Variants in MTA3 observed in about 807,000 individuals in gnomAD.
MTA3 encodes the protein metastasis-associated protein MTA3.
In MTA3, 34 loss-of-function variants were observed where a neutral mutation model predicts 83.5. The ratio of observed to expected loss-of-function variants is 0.41; its 90% CI spans 0.31 to 0.54. The LOEUF (loss-of-function observed/expected upper bound fraction) is 0.54, where lower values mean the gene tolerates loss of function less well. Among genes scored for constraint, MTA3 ranks in the 20% least tolerant of loss-of-function variants. The pLI is 0.33. For missense variants in MTA3, 761 were observed against 726.4 expected (o/e 1.05, Z -0.55); for synonymous variants, 303 against 252.7 (o/e 1.20, Z -1.89).
In MTA3 at chr2:42,755,963, G is replaced by C. The variant is rs1670211654; in HGVS notation, c.*2564G>C. 2.0e-6 allele frequency: 2 copies of C among 985,402 alleles called. No homozygotes were observed. Among genetic ancestry groups the C allele is most frequent in the African/African-American group, 1.7e-5 (1 of 57,246 alleles). 61.0% of individuals were successfully genotyped at this position (985,402 alleles called of 1,614,324 possible). On this transcript the variant is annotated 3_prime_UTR_variant, in exon 17 of 17. Transcript: ENST00000405094. ...TGGAGGGTGTCGCCGGAAGGTTTCA[G>C]CCTGCCCTTCACAATTCCCCTTGTG... is the stretch of plus-strand genomic sequence containing the variant.
intron 8 of MTA3, among the ~76,000 whole-genome samples, chr2:42,672,237 C>CT (rs1690862114): frequency 6.6e-6 from 1 of 151,894 alleles, no homozygotes. Context: ...TGGTGTACAC[C>CT]TGTAATCACA....
At chr2:42,586,206 G>A (rs1301707016) in intron 3 of MTA3, among the ~76,000 whole-genome samples, 1 of 151,420 alleles carries the variant, frequency 6.6e-6, no homozygotes, top group African/African-American at 2.4e-5. Context: ...CCCGGAAGGT[G>A]GAGGTTGTAG....
intron 2 of MTA3, among the ~76,000 whole-genome samples, chr2:42,552,242 A>G (rs6752377): frequency 1.3e-5 from 2 of 151,964 alleles, no homozygotes; most frequent in Middle Eastern, 3.2e-3. Flanking sequence ...AGTGTGGCTG[A>G]GCAGCAGTGA....
chr2:42,677,753 C>T (rs973011597), intron 8 of MTA3, among the ~76,000 whole-genome samples: 2 of 152,144 alleles, frequency 1.3e-5, no homozygotes, highest in Non-Finnish European at 2.9e-5. Flanking sequence ...GATTATGAGG[C>T]CTCCCCAGCC....
At chr2:42,689,954 CT>C (rs58306447) in intron 9 of MTA3, among the ~76,000 whole-genome samples, 79 of 144,798 alleles carry the variant, frequency 5.5e-4, no homozygotes, top group South Asian at 1.1e-3. Context: ...GACTTAATTG[CT>C]TTTTTTTTTT....
intron 2 of MTA3, among the ~76,000 whole-genome samples, chr2:42,499,103 G>A (rs1262100409): frequency 6.6e-6 from 1 of 152,040 alleles, no homozygotes; most frequent in African/African-American, 2.4e-5. Context: ...AGAGATCTAC[G>A]ATGTGGCATA....
At chr2:42,553,030 A>T (rs1052101705) in intron 2 of MTA3, among the ~76,000 whole-genome samples, 29 of 152,028 alleles carry the variant, frequency 1.9e-4, no homozygotes, top group Non-Finnish European at 3.2e-4. Flanking sequence ...TAATCCCAGC[A>T]CTTTGGAAGG....
At chr2:42,732,087 G>C (rs1668269742) in intron 16 of MTA3, among the ~76,000 whole-genome samples, 2 of 152,162 alleles carry the variant, frequency 1.3e-5, no homozygotes, top group South Asian at 4.1e-4. Flanking sequence ...TGCCATTCTG[G>C]GGTGTGGAGG....
At chr2:42,546,273 A>G (rs1022031519) in intron 2 of MTA3, among the ~76,000 whole-genome samples, 2 of 152,136 alleles carry the variant, frequency 1.3e-5, no homozygotes, top group African/African-American at 4.8e-5. Context: ...CCACTCAAAC[A>G]AAGGCCCCAG....
At chr2:42,722,788 C>T in intron 15 of MTA3, 101 bp from the exon 16 acceptor site, 1 of 1,364,548 alleles carries the variant, frequency 7.3e-7, no homozygotes, top group Non-Finnish European at 1.0e-6. Context: ...AACTGACTCT[C>T]AGCTCATTAA....
At chr2:42,607,198 A>G (rs1371526053) in intron 3 of MTA3, among the ~76,000 whole-genome samples, 1 of 152,082 alleles carries the variant, frequency 6.6e-6, no homozygotes, top group East Asian at 1.9e-4. Flanking sequence ...ATACAAAGAT[A>G]AGTGACCTGT....
At chr2:42,743,284 C>T (rs1669171737) in intron 16 of MTA3, among the ~76,000 whole-genome samples, 1 of 152,210 alleles carries the variant, frequency 6.6e-6, no homozygotes, top group African/African-American at 2.4e-5. Context: ...AAGGCGATTG[C>T]CTGCTATCTC....
At chr2:42,703,969 C>A in intron 11 of MTA3, 1 of 425,758 alleles carries the variant, frequency 2.3e-6, no homozygotes, top group Admixed American at 3.8e-5. Flanking sequence ...GTATTTACTT[C>A]GTGAATGTCA....
intron 2 of MTA3, among the ~76,000 whole-genome samples, chr2:42,496,608 GAA>G (rs35316146): frequency 0.16 from 20,077 of 121,814 alleles, 1,591 homozygotes; most frequent in Non-Finnish European, 0.21. Flanking sequence ...CAGAACCTAG[GAA>G]AAAAAAAAAA....
chr2:42,653,808 C>T (rs886884974), intron 6 of MTA3, among the ~76,000 whole-genome samples: 1 of 152,144 alleles, frequency 6.6e-6, no homozygotes, highest in Non-Finnish European at 1.5e-5. Flanking sequence ...TGTAGTCTTA[C>T]GTTCAGGAGT....
At chr2:42,513,793 G>T (rs968703009) in intron 2 of MTA3, among the ~76,000 whole-genome samples, 1 of 152,216 alleles carries the variant, frequency 6.6e-6, no homozygotes, top group Non-Finnish European at 1.5e-5. Context: ...CGCCTCCCAG[G>T]CTGGCCTGAG....
chr2:42,543,964 C>G (rs1485319383), intron 2 of MTA3, among the ~76,000 whole-genome samples: 1 of 151,874 alleles, frequency 6.6e-6, no homozygotes, highest in East Asian at 1.9e-4. Context: ...GATAGCCGAG[C>G]CAAGGTGACA....
chr2:42,748,826 A>G (rs1669642926), intron 16 of MTA3, among the ~76,000 whole-genome samples: 1 of 152,166 alleles, frequency 6.6e-6, no homozygotes, highest in Non-Finnish European at 1.5e-5. Flanking sequence ...TCCTTTGCAG[A>G]GTGGTAAGTT....
chr2:42,651,721 C>T (rs1240121525), intron 6 of MTA3, among the ~76,000 whole-genome samples: 2 of 151,280 alleles, frequency 1.3e-5, no homozygotes, highest in Admixed American at 1.3e-4. Context: ...TCACATAAGC[C>T]CAGGAGATTG....
Sources: allele counts gnomAD v4.1 joint callset (sites outside exome capture counted in the v4.1 genomes callset), GRCh38; gene constraint gnomAD v4.1.1; transcripts MANE v1.5; gene names NCBI Gene and HGNC (gene_info 2026-07-23, HGNC 2026-07-21).